Variants in FAM222B observed in about 807,000 individuals in gnomAD.
The protein encoded by FAM222B is protein FAM222B.
FAM222B carries 12 observed loss-of-function variants against 38.0 expected under a neutral mutation model. The ratio of observed to expected loss-of-function variants is 0.32; its 90% CI spans 0.20 to 0.51. The LOEUF (loss-of-function observed/expected upper bound fraction) is 0.51. Among genes scored for constraint, FAM222B ranks in the 20% least tolerant of loss-of-function variants. The pLI, the probability that FAM222B is intolerant of heterozygous loss-of-function variation, is 0.97. For synonymous variants in FAM222B, 329 were observed against 317.2 expected, an observed-to-expected ratio of 1.04 and a Z score of -0.40; for missense variants, 716 against 754.2, an observed-to-expected ratio of 0.95 and a Z score of 0.59.
Position 28,759,219 on chromosome 17 carries a change from G to A in FAM222B, c.740C>T (p.Ser247Leu). Residue 247 changes from serine to leucine, a missense_variant, in exon 3 of 3, where the codon TCA (serine) becomes TTA (leucine). Coordinates refer to ENST00000581407, the MANE Select transcript of FAM222B (RefSeq NM_001077498.3). This position sits in a 1 kb window ranked among gnomAD's most constrained non-coding sequence, Gnocchi z 4.8. ...GGCCGCCATTGAAAGGGGGATAGTT[G>A]AGGTAGACACGGTCACATTCGGGGG... is the stretch of plus-strand genomic sequence containing the variant. The part of the protein sequence containing the change: ...DAPPNVTVST[S>L]TIPLSMAATL... 6.2e-7 allele frequency: 1 copy of A among 1,613,706 alleles called. No homozygotes were observed. The highest frequency in any genetic ancestry group is 8.5e-7 in the Non-Finnish European group (1 of 1,179,814).
chr17:28,799,577 G>A (rs2037121678), intron 1 of FAM222B, among the ~76,000 whole-genome samples: 1 of 152,044 alleles, frequency 6.6e-6, no homozygotes, highest in East Asian at 1.9e-4. Context: ...CCAAAGTGCT[G>A]GGATTACAGG....
chr17:28,833,750 C>G (rs913160623), intron 1 of FAM222B, among the ~76,000 whole-genome samples: 1 of 151,530 alleles, frequency 6.6e-6, no homozygotes, highest in Non-Finnish European at 1.5e-5. Context: ...TACGAATGAA[C>G]AACATATAAA....
intron 1 of FAM222B, chr17:28,849,061 A>C (rs1223422543): frequency 6.6e-6 from 1 of 152,018 alleles, no homozygotes; most frequent in Non-Finnish European, 1.5e-5. Context: ...GGAGATCGAG[A>C]CCATCCTGGC....
At chr17:28,778,829 G>T (rs1287283319) in intron 1 of FAM222B, among the ~76,000 whole-genome samples, 1 of 145,286 alleles carries the variant, frequency 6.9e-6, no homozygotes, top group African/African-American at 2.6e-5. Flanking sequence ...CTCCCAAAGT[G>T]CTGGGATTAT....
chr17:28,781,699 C>T (rs2036175147), intron 1 of FAM222B, among the ~76,000 whole-genome samples: 1 of 152,136 alleles, frequency 6.6e-6, no homozygotes, highest in African/African-American at 2.4e-5. Context: ...AAAGACTATT[C>T]AGTCTTAGAA....
Position 28,807,294 on chromosome 17 carries a change from G to A in FAM222B, c.-41+35388C>T, listed in dbSNP as rs2037536790. ...GCTTCCCAAAGTCCTGGGATTACAG[G>A]CGTGAGCCACCGCGCCTGGCAAATA... On this transcript the variant is annotated intron_variant, in intron 1 of 2. Transcript: ENST00000581407. Among the ~76,000 whole-genome samples, 4 of 152,080 alleles carry A rather than the reference G, an allele frequency of 2.6e-5. No individual in the cohort carries two copies. In the South Asian group the frequency reaches 8.3e-4, roughly 32 times the overall value.
chr17:28,821,243 G>A (rs1268210427), intron 1 of FAM222B, among the ~76,000 whole-genome samples: 1 of 152,076 alleles, frequency 6.6e-6, no homozygotes, highest in African/African-American at 2.4e-5. Context: ...GTAAGCCACT[G>A]CGCCTGGCCA....
At chr17:28,845,358 G>C (rs1196399471), upstream of FAM222B, among the ~76,000 whole-genome samples, 1 of 148,378 alleles carries the variant, frequency 6.7e-6, no homozygotes, top group Admixed American at 6.7e-5. Flanking sequence ...CCAAGACGGT[G>C]CCACTGCACT....
At chr17:28,851,897 C>G (rs755832994) in intron 1 of FAM222B, among the ~76,000 whole-genome samples, 18 of 144,332 alleles carry the variant, frequency 1.2e-4, no homozygotes, top group Non-Finnish European at 2.1e-4. Flanking sequence ...AAACCAAAAA[C>G]AGAAATTAGC....
At chr17:28,773,027 GA>G (rs1030404439) in intron 1 of FAM222B, among the ~76,000 whole-genome samples, 21 of 152,282 alleles carry the variant, frequency 1.4e-4, no homozygotes, top group African/African-American at 5.1e-4. Flanking sequence ...GTTTGGGCAG[GA>G]AGGAGTGAAC....
upstream of FAM222B, among the ~76,000 whole-genome samples, chr17:28,847,005 C>T (rs111573016): frequency 6.6e-6 from 1 of 151,864 alleles, no homozygotes; most frequent in African/African-American, 2.4e-5. Flanking sequence ...GGGTAGATCA[C>T]CTAAGGTCAG....
At chr17:28,784,403 G>A (rs138606019) in intron 1 of FAM222B, among the ~76,000 whole-genome samples, 10 of 144,350 alleles carry the variant, frequency 6.9e-5, no homozygotes, top group Non-Finnish European at 1.0e-4. Context: ...TGGAGCTCAG[G>A]AGCCTGAGCT....
At chr17:28,764,270 TC>T (rs1375649852) in intron 2 of FAM222B, among the ~76,000 whole-genome samples, 3 of 35,388 alleles carry the variant, frequency 8.5e-5, no homozygotes, top group African/African-American at 2.4e-4. Flanking sequence ...AGACTCCATC[TC>T]AAAAAAAAAA....
rs536793044 is a variant in FAM222B, at chr17:28,759,197, C to T, written c.762G>A (p.Ala254=). The change falls in exon 3 of 3, where the codon GCG becomes GCA. Residue 254 remains alanine (A), a synonymous_variant. Coordinates refer to ENST00000581407, the MANE Select transcript of FAM222B (RefSeq NM_001077498.3). This position sits in a 1 kb window ranked among gnomAD's most constrained non-coding sequence, Gnocchi z 4.8. ...VSTSTIPLSM[A]ATLQHSQPPD... is the part of the protein sequence containing the mutation. Reference sequence around the variant, plus strand: ...GAGGCTGGCTGTGCTGCAGAGTGGCCGCCATTGAAAGGGGGATAGTTGAGG... The same window carrying T: ...GAGGCTGGCTGTGCTGCAGAGTGGCTGCCATTGAAAGGGGGATAGTTGAGG... 26 of 1,613,372 alleles carry T rather than the reference C, an allele frequency of 1.6e-5. No individual in the cohort carries two copies. The highest frequency in any genetic ancestry group is 1.5e-4 in the African/African-American group (11 of 74,976).
At chr17:28,846,317 C>G (rs139457753), upstream of FAM222B, among the ~76,000 whole-genome samples, 754 of 151,542 alleles carry the variant, frequency 5.0e-3, 2 homozygotes, top group Non-Finnish European at 8.1e-3. Context: ...TGCAGTGAGC[C>G]TAGACTACAC....
intron 1 of FAM222B, among the ~76,000 whole-genome samples, chr17:28,828,714 T>C (rs1255123118): frequency 1.3e-5 from 2 of 152,176 alleles, no homozygotes; most frequent in Non-Finnish European, 2.9e-5. Flanking sequence ...ATTTAGGGAA[T>C]TACATTTCTG....
intron 1 of FAM222B, among the ~76,000 whole-genome samples, chr17:28,776,648 G>A (rs1025655973): frequency 5.9e-5 from 9 of 151,494 alleles, no homozygotes; most frequent in African/African-American, 2.2e-4. Context: ...AAGAGATGGG[G>A]TCTCACTTTG....
At chr17:28,819,025 C>T (rs2038126672) in intron 1 of FAM222B, among the ~76,000 whole-genome samples, 2 of 152,116 alleles carry the variant, frequency 1.3e-5, no homozygotes, top group Admixed American at 6.6e-5. Flanking sequence ...AGACAGAAAA[C>T]AAAAAGAAGG....
chr17:28,775,461 C>CAA (rs11329881), intron 1 of FAM222B, among the ~76,000 whole-genome samples: 3 of 135,390 alleles, frequency 2.2e-5, no homozygotes, highest in South Asian at 2.3e-4. Context: ...TCACTGCCTT[C>CAA]AAAAAAAAAA....
Sources: allele counts gnomAD v4.1 joint callset (sites outside exome capture counted in the v4.1 genomes callset), GRCh38; gene constraint gnomAD v4.1.1; non-coding constraint Gnocchi (gnomAD v3.1); transcripts MANE v1.5; gene names NCBI Gene and HGNC (gene_info 2026-07-23, HGNC 2026-07-21).